CACNB2: variants seen among roughly 807,000 people sequenced by gnomAD.
The protein encoded by CACNB2 is voltage-dependent L-type calcium channel subunit beta-2.
CACNB2 carries 42 observed loss-of-function variants against 73.3 expected under a neutral mutation model. The observed-to-expected ratio is 0.57, with a 90% CI of 0.45 to 0.74. The LOEUF is 0.74. Ranked by LOEUF, CACNB2 falls within the 30% of genes least tolerant of loss-of-function variation. The pLI is 0.00. For missense variants in CACNB2, 940 were observed against 853.0 expected (o/e 1.10, Z -1.27); for synonymous variants, 348 against 310.3 (o/e 1.12, Z -1.28).
At chr10:18,509,463 C>T (rs1010861434) in intron 6 of CACNB2, among the ~76,000 whole-genome samples, 2 of 152,172 alleles carry the variant, frequency 1.3e-5, no homozygotes, top group Non-Finnish European at 2.9e-5. Context: ...CAAGCCCAAG[C>T]TCTGCTTAAC....
chr10:18,172,803 A>ACAC (rs1295137316), intron 2 of CACNB2, among the ~76,000 whole-genome samples: 2 of 152,164 alleles, frequency 1.3e-5, no homozygotes, highest in African/African-American at 4.8e-5. Flanking sequence ...GTCATTATGA[A>ACAC]CACCAACTCC....
intron 2 of CACNB2, among the ~76,000 whole-genome samples, chr10:18,169,650 C>T (rs528661934): frequency 2.6e-5 from 4 of 152,132 alleles, no homozygotes; most frequent in African/African-American, 7.2e-5. Context: ...TACTAGGTAG[C>T]GGAGATTAAC....
intron 2 of CACNB2, among the ~76,000 whole-genome samples, chr10:18,233,299 G>C (rs534709988): frequency 4.7e-4 from 71 of 152,184 alleles, no homozygotes; most frequent in Admixed American, 2.2e-3. Context: ...TTATGCTTGA[G>C]GATGGGACAC....
chr10:18,501,017 T>G (rs139522367), intron 5 of CACNB2, 69 bp downstream of exon 5: 21 of 1,387,578 alleles, frequency 1.5e-5, no homozygotes, highest in Non-Finnish European at 2.0e-5. Context: ...TGTTGTCTGC[T>G]GTATTCTGTA....
At chr10:18,340,493 A>G (rs568176560) in intron 2 of CACNB2, among the ~76,000 whole-genome samples, 3 of 152,306 alleles carry the variant, frequency 2.0e-5, no homozygotes, top group South Asian at 2.1e-4. Flanking sequence ...TTATCCAGTT[A>G]TGCAACCTGT....
intron 2 of CACNB2, among the ~76,000 whole-genome samples, chr10:18,274,680 A>G (rs936388867): frequency 6.6e-6 from 1 of 152,182 alleles, no homozygotes; most frequent in African/African-American, 2.4e-5. Flanking sequence ...TATTTTAAAT[A>G]ACCTTTGGTC....
intron 2 of CACNB2, among the ~76,000 whole-genome samples, chr10:18,165,518 C>A (rs1391233996): frequency 1.3e-5 from 2 of 152,212 alleles, no homozygotes; most frequent in African/African-American, 4.8e-5. Flanking sequence ...GTTCAGGCGA[C>A]TGTTGAGCCT....
rs747168096 is a variant in CACNB2 at position 18,539,498 on chromosome 10, G to T, written c.1757G>T (p.Arg586Leu). Residue 586 changes from arginine to leucine, a missense_variant, in exon 14 of 14, where the codon CGT becomes CTT. Arg to Leu is a moderately radical substitution (Grantham distance 102). Coordinates refer to ENST00000324631, the MANE Select transcript of CACNB2 (RefSeq NM_201596.3). Reference sequence around the variant, plus strand: ...CACGTGGACCACTATGCCTCACACCGTGACCACAACCACAGAGACGAGACC... The same window carrying T: ...CACGTGGACCACTATGCCTCACACCTTGACCACAACCACAGAGACGAGACC... The part of the protein sequence containing the change: ...HDHVDHYASH[R>L]DHNHRDETHG... 2 of 1,613,836 alleles carry T rather than the reference G, an allele frequency of 1.2e-6. No individual in the cohort carries two copies. The highest frequency in any genetic ancestry group is 1.7e-6 in the Non-Finnish European group (2 of 1,179,990).
At chr10:18,426,304 G>A (rs976593854) in intron 3 of CACNB2, among the ~76,000 whole-genome samples, 7 of 152,056 alleles carry the variant, frequency 4.6e-5, no homozygotes, top group Admixed American at 2.6e-4. Flanking sequence ...TTTCGATAAA[G>A]GTCATATATT....
chr10:18,174,323 CCT>C (rs1406692724), intron 2 of CACNB2, among the ~76,000 whole-genome samples: 7 of 146,994 alleles, frequency 4.8e-5, no homozygotes, highest in African/African-American at 1.5e-4. Flanking sequence ...CTCCCTCCCC[CCT>C]CTTTTCTTTT....
chr10:18,302,464 C>T (rs186997786), intron 2 of CACNB2, among the ~76,000 whole-genome samples: 10 of 152,238 alleles, frequency 6.6e-5, no homozygotes, highest in Non-Finnish European at 1.3e-4. Context: ...CATCAATAAA[C>T]GAGTGGATAG....
rs555500565 is a variant in CACNB2, at chr10:18,148,673, C to T, written c.121-2210C>T. ...CTAAAATTAAAGGACAATAGAATTG[C>T]GAAGATACTCTTTTCTGTTCATTTA... On this transcript the variant is annotated intron_variant, in intron 1 of 13. Transcript: ENST00000324631. 4.6e-5 allele frequency among the ~76,000 whole-genome samples: 7 copies of T among 152,166 alleles called. No individual in the cohort carries two copies. The South Asian group carries it at 6.2e-4, about 14-fold the overall frequency.
chr10:18,542,007 T>C lies in CACNB2; in HGVS notation c.*2283T>C, dbSNP rs965779178. 2 of 152,058 alleles carry C rather than the reference T, an allele frequency of 1.3e-5. No individual in the cohort carries two copies. The highest frequency in any genetic ancestry group is 4.8e-5 in the African/African-American group (2 of 41,410). The allele number at this position is 152,058 out of a possible 1,614,324, so 9.4% of individuals were successfully genotyped here. On this transcript the variant is annotated 3_prime_UTR_variant, in exon 14 of 14. Transcript: ENST00000324631. ...AAACTGTTTTACATTTAACTCCTTA[T>C]TTCCCTTACCCCCAAGAAAACGCAA...
rs1411467014 is a variant in CACNB2, at chr10:18,536,158, C to G, written c.1264C>G (p.Gln422Glu). The change falls in exon 12 of 14, where the codon CAG becomes GAG. Residue 422 changes from glutamine (Q) to glutamate (E), a missense_variant. Gln to Glu is a conservative substitution (Grantham distance 29, BLOSUM62 2). Coordinates refer to ENST00000324631, the MANE Select transcript of CACNB2 (RefSeq NM_201596.3). ...ATCTCAAGCTAAACACCTCAACGTC[C>G]AGATGGTAGCAGCTGATAAACTGGC... ...GKSQAKHLNV[Q>E]MVAADKLAQC... The G allele has an allele frequency of 2.5e-6, 4 of 1,608,602 alleles. No homozygotes were observed. The highest frequency in any genetic ancestry group is 1.7e-5 in the Admixed American group (1 of 59,646).
intron 3 of CACNB2, among the ~76,000 whole-genome samples, chr10:18,419,650 A>G (rs1233346777): frequency 6.6e-6 from 1 of 152,220 alleles, no homozygotes; most frequent in Non-Finnish European, 1.5e-5. Flanking sequence ...CTTGAATGTC[A>G]CATGGGAAAG....
intron 3 of CACNB2, among the ~76,000 whole-genome samples, chr10:18,415,737 C>A (rs1307629060): frequency 3.3e-5 from 5 of 152,164 alleles, no homozygotes; most frequent in Non-Finnish European, 7.3e-5. Context: ...AATCTCAATT[C>A]GCAATTTACT....
At chr10:18,180,674 G>GAAATAGAAGA (rs1191483196) in intron 2 of CACNB2, among the ~76,000 whole-genome samples, 2 of 152,102 alleles carry the variant, frequency 1.3e-5, no homozygotes, top group Non-Finnish European at 2.9e-5. Context: ...CTCAGTCAAA[G>GAAATAGAAGA]AAATAGAAGA....
rs116105088 is a variant in CACNB2 at position 18,203,685 on chromosome 10, C to G, written c.213+52710C>G. ...AGCGGAGGCTGTAGAGGGAACAACA[C>G]AATTACATATATGGTAATGAAGAAT... On this transcript the variant is annotated intron_variant, in intron 2 of 13. Coordinates refer to ENST00000324631, the MANE Select transcript of CACNB2 (RefSeq NM_201596.3). Among the ~76,000 whole-genome samples, 1,408 of 152,162 alleles carry G rather than the reference C, an allele frequency of 9.3e-3. 28 individuals carry two copies. Among genetic ancestry groups the G allele is most frequent in the African/African-American group, 0.032 (1,334 of 41,506 alleles).
chr10:18,424,533 GTCC>G (rs1184964675), intron 3 of CACNB2, among the ~76,000 whole-genome samples: 1 of 152,074 alleles, frequency 6.6e-6, no homozygotes, highest in Non-Finnish European at 1.5e-5. Flanking sequence ...GTTTTAACTA[GTCC>G]TCAGTCTGGT....
Sources: allele counts gnomAD v4.1 joint callset (sites outside exome capture counted in the v4.1 genomes callset), GRCh38; gene constraint gnomAD v4.1.1; transcripts MANE v1.5; gene names NCBI Gene and HGNC (gene_info 2026-07-23, HGNC 2026-07-21).